Variants in NPAS3 observed in about 807,000 individuals in gnomAD.
NPAS3 encodes the protein neuronal PAS domain-containing protein 3.
Under a neutral mutation model 73.1 loss-of-function variants are expected in NPAS3, and 14 were observed. The ratio of observed to expected loss-of-function variants is 0.19; its 90% confidence interval spans 0.13 to 0.30. The LOEUF is 0.30. Ranked by LOEUF, NPAS3 falls within the 10% of genes least tolerant of loss-of-function variation. NPAS3 has a pLI of 1.00. For synonymous variants in NPAS3, 620 were observed against 541.5 expected, an observed-to-expected ratio of 1.14 and a Z score of -2.01; for missense variants, 1,096 against 1,250.0, an observed-to-expected ratio of 0.88 and a Z score of 1.86.
chr14:33,341,181 A>G (rs2044460944), intron 3 of NPAS3, among the ~76,000 whole-genome samples: 1 of 152,208 alleles, frequency 6.6e-6, no homozygotes. Context: ...CAGTTTTAAA[A>G]ACAAATTATC....
At chr14:33,523,424 C>G (rs949367583) in intron 4 of NPAS3, among the ~76,000 whole-genome samples, 2 of 148,646 alleles carry the variant, frequency 1.3e-5, no homozygotes, top group African/African-American at 5.0e-5. Context: ...TGCGCTCCAG[C>G]CTGGGCAACA....
At chr14:33,371,173 G>A (rs1167930323) in intron 4 of NPAS3, among the ~76,000 whole-genome samples, 1 of 152,154 alleles carries the variant, frequency 6.6e-6, no homozygotes, top group African/African-American at 2.4e-5. Context: ...GGTGGAGGAA[G>A]GAATAGTAAT....
At chr14:33,377,978 G>A (rs2046380072) in intron 4 of NPAS3, among the ~76,000 whole-genome samples, 1 of 152,168 alleles carries the variant, frequency 6.6e-6, no homozygotes, top group Non-Finnish European at 1.5e-5. Context: ...GTAGAGAAGA[G>A]CAATAAGAAA....
chr14:33,044,749 G>T (rs1350028894), intron 1 of NPAS3, among the ~76,000 whole-genome samples: 1 of 152,028 alleles, frequency 6.6e-6, no homozygotes, highest in Non-Finnish European at 1.5e-5. Context: ...TGGGCTCTGG[G>T]AACTCAGAAG....
rs530988772 is a variant in NPAS3, at chr14:33,734,506, C to T, written c.734-708C>T. ...TGTTTAAGAGAGAAAATCATTATTT[C>T]CTCATATCAGAAGCAGAGAGGTGGA... On this transcript the variant is annotated intron_variant, in intron 6 of 11. Transcript: ENST00000356141. Among the ~76,000 whole-genome samples the T allele has an allele frequency of 3.9e-5, 6 of 152,092 alleles. No individual in the cohort carries two copies. The East Asian group carries it at 1.2e-3, about 29-fold the overall frequency.
intron 4 of NPAS3, among the ~76,000 whole-genome samples, chr14:33,475,642 C>T (rs2050993425): frequency 6.6e-6 from 1 of 151,390 alleles, no homozygotes; most frequent in African/African-American, 2.4e-5. Context: ...CTCCTGGTTT[C>T]CATCAAGCCG....
At chr14:33,591,559 G>A (rs917712062) in intron 5 of NPAS3, among the ~76,000 whole-genome samples, 9 of 152,154 alleles carry the variant, frequency 5.9e-5, no homozygotes, top group Admixed American at 1.3e-4. Context: ...CCTAAAAGGT[G>A]CCTTCAACCT....
chr14:32,965,357 G>A (rs372935067), intron 1 of NPAS3, among the ~76,000 whole-genome samples: 5 of 152,244 alleles, frequency 3.3e-5, no homozygotes, highest in South Asian at 2.1e-4. Flanking sequence ...AAGTTCATTC[G>A]TAGTGATCAA....
chr14:33,405,303 A>G (rs1006728681), intron 4 of NPAS3, among the ~76,000 whole-genome samples: 3 of 152,070 alleles, frequency 2.0e-5, no homozygotes, highest in African/African-American at 7.2e-5. Context: ...GCCATTTCTG[A>G]ACAGAATAAG....
At chr14:33,466,289 A>G (rs1015866333) in intron 4 of NPAS3, among the ~76,000 whole-genome samples, 3 of 152,200 alleles carry the variant, frequency 2.0e-5, no homozygotes, top group Non-Finnish European at 1.5e-5. Flanking sequence ...TGTCTTTCCT[A>G]TCCTAGCAAG....
intron 3 of NPAS3, among the ~76,000 whole-genome samples, chr14:33,260,608 T>G (rs2139952673): frequency 6.6e-6 from 1 of 152,324 alleles, no homozygotes; most frequent in East Asian, 1.9e-4. Context: ...CTATAACATC[T>G]AATCTTTCAA....
At chr14:33,412,922 T>C (rs1410633581) in intron 4 of NPAS3, among the ~76,000 whole-genome samples, 1 of 152,232 alleles carries the variant, frequency 6.6e-6, no homozygotes, top group Admixed American at 6.5e-5. Flanking sequence ...GACACAATCT[T>C]GGGTTCAAGG....
At position 33,618,634 on chromosome 14, in the gene NPAS3, G is replaced by A. The variant is rs529270099; in HGVS notation, c.559-57577G>A. Among the ~76,000 whole-genome samples the A allele has an allele frequency of 2.5e-3, 374 of 152,284 alleles. 2 individuals carry two copies. Among genetic ancestry groups the A allele is most frequent in the African/African-American group, 8.6e-3 (359 of 41,540 alleles). ...TCCGATTCCTAACAGGCCACGGTTG[G>A]TACCGGTCTATGGCCTGGGAGTTGG... On this transcript the variant is annotated intron_variant, in intron 5 of 11. Coordinates refer to ENST00000356141, the Ensembl canonical transcript of NPAS3.
At chr14:33,037,488 AAAAAAAG>A (rs1566490904) in intron 1 of NPAS3, among the ~76,000 whole-genome samples, 3 of 151,328 alleles carry the variant, frequency 2.0e-5, no homozygotes, top group South Asian at 2.1e-4. Context: ...CAGCAAAAAA[AAAAAAAG>A]AAAAAAGAAA....
chr14:33,091,895 G>C (rs2138815655), intron 2 of NPAS3, among the ~76,000 whole-genome samples: 1 of 152,286 alleles, frequency 6.6e-6, no homozygotes, highest in Non-Finnish European at 1.5e-5. Context: ...AATAGATGCA[G>C]AAAAGGCCTT....
In NPAS3 at chr14:33,624,354, T is replaced by G. The variant is rs938264206; in HGVS notation, c.559-51857T>G. Among the ~76,000 whole-genome samples the G allele has an allele frequency of 6.6e-5, 10 of 152,230 alleles. No homozygotes were observed. In the East Asian group the frequency reaches 7.7e-4, roughly 12 times the overall value. ...ATGCTCTCCCGAAGTTGTGTTGCAT[T>G]TGGTTTAGGACACAGGTTCCTAACC... On this transcript the variant is annotated intron_variant, in intron 5 of 11. Coordinates refer to ENST00000356141, the Ensembl canonical transcript of NPAS3.
intron 6 of NPAS3, among the ~76,000 whole-genome samples, chr14:33,697,053 T>C (rs1044178295): frequency 6.6e-6 from 1 of 152,220 alleles, no homozygotes; most frequent in East Asian, 1.9e-4. Flanking sequence ...TGGTCTTTCT[T>C]CTACTTCGTG....
At chr14:33,743,617 C>T (rs953432340) in intron 7 of NPAS3, among the ~76,000 whole-genome samples, 3 of 152,200 alleles carry the variant, frequency 2.0e-5, no homozygotes, top group Non-Finnish European at 4.4e-5. Context: ...TTCATTAGCT[C>T]CTTACAAGAA....
chr14:33,305,658 A>G (rs1176357920), intron 3 of NPAS3, among the ~76,000 whole-genome samples: 2 of 152,146 alleles, frequency 1.3e-5, no homozygotes, highest in East Asian at 3.8e-4. Context: ...AGCTGTATCC[A>G]GGTTTTTGTA....
Sources: gnomAD v4.1 joint callset for allele counts (sites outside exome capture counted in the v4.1 genomes callset) on GRCh38, gnomAD v4.1.1 for gene constraint, MANE v1.5 for transcripts, NCBI Gene and HGNC (gene_info 2026-07-23, HGNC 2026-07-21) for gene names.